Variants in DNAH3 observed in about 807,000 individuals in gnomAD.
DNAH3 encodes the protein axonemal beta dynein heavy chain 3.
In DNAH3, 332 loss-of-function variants were observed where a neutral mutation model predicts 432.5. The observed-to-expected ratio is 0.77, with a 90% CI of 0.70 to 0.84. The LOEUF (loss-of-function observed/expected upper bound fraction) is 0.84. DNAH3 is among the 40% of genes least tolerant of loss of function. The probability of loss-of-function intolerance (pLI) is 0.00; values close to 1 mark genes in which losing one functional copy is unlikely to be tolerated. For missense variants in DNAH3, 4,861 were observed against 5,114.0 expected, an observed-to-expected ratio of 0.95 and a Z score of 1.51; for synonymous variants, 1,956 against 1,900.2, an observed-to-expected ratio of 1.03 and a Z score of -0.76.
chr16:21,032,062 A>G (rs2152724729), intron 36 of DNAH3, among the ~76,000 whole-genome samples: 1 of 151,772 alleles, frequency 6.6e-6, no homozygotes, highest in South Asian at 2.1e-4. Flanking sequence ...AGGACTAAAG[A>G]AATCTGACTG....
At chr16:21,027,199 T>C in intron 37 of DNAH3, 72 bp from the exon 38 acceptor site, 2 of 1,092,948 alleles carry the variant, frequency 1.8e-6, no homozygotes, top group Non-Finnish European at 2.8e-6. Context: ...GAGGTCTCAG[T>C]GCAGACAAAG....
intron 24 of DNAH3, 81 bp from the exon 25 acceptor site, chr16:21,062,764 G>T: frequency 9.1e-7 from 1 of 1,095,328 alleles, no homozygotes; most frequent in Non-Finnish European, 1.3e-6. Flanking sequence ...CTGACAGGTA[G>T]TCCGCACCTA....
At chr16:20,969,204 A>C (rs1440619772) in intron 52 of DNAH3, among the ~76,000 whole-genome samples, 2 of 146,428 alleles carry the variant, frequency 1.4e-5, no homozygotes, top group African/African-American at 5.1e-5. Context: ...GCCTGTATGT[A>C]TGCATGTCTG....
intron 58 of DNAH3, 58 bp downstream of exon 58, chr16:20,944,438 A>G (rs1417516371): frequency 1.3e-6 from 2 of 1,595,654 alleles, no homozygotes; most frequent in South Asian, 2.2e-5. Context: ...CTGTGTGCCC[A>G]CTGGATGAAG....
At chr16:21,063,687 C>T (rs1227512472) in intron 24 of DNAH3, among the ~76,000 whole-genome samples, 2 of 151,862 alleles carry the variant, frequency 1.3e-5, no homozygotes, top group African/African-American at 2.4e-5. Flanking sequence ...GGACTACAGG[C>T]GCATGCCACC....
exon 37 of DNAH3, chr16:21,031,238 T>C: frequency 1.9e-6 from 3 of 1,614,154 alleles, no homozygotes; most frequent in Non-Finnish European, 2.5e-6. Context: ...CGTGATAGCC[T>C]TGGGGTTGAT....
chr16:21,101,171 C>T (rs552125168), intron 16 of DNAH3, among the ~76,000 whole-genome samples: 63 of 152,270 alleles, frequency 4.1e-4, no homozygotes, highest in Non-Finnish European at 6.0e-4. Flanking sequence ...TCACATTAGT[C>T]CACAGTTATC....
intron 19 of DNAH3, among the ~76,000 whole-genome samples, chr16:21,085,476 C>G (rs578215296): frequency 6.2e-5 from 9 of 145,482 alleles, no homozygotes; most frequent in Non-Finnish European, 8.9e-5. Flanking sequence ...TGTAGTGAGC[C>G]GAGATCATGT....
intron 59 of DNAH3, among the ~76,000 whole-genome samples, chr16:20,937,764 A>T (rs1470312799): frequency 6.6e-6 from 1 of 151,832 alleles, no homozygotes; most frequent in Non-Finnish European, 1.5e-5. Flanking sequence ...AAACTCAAGT[A>T]ATCCTCCCAC....
rs371243051 is a variant in DNAH3 at position 21,145,980 on chromosome 16, A to G, written c.222+4T>C. On this transcript the variant is annotated splice_donor_region_variant and intron_variant, in intron 2 of 61. Transcript: ENST00000261383. ...CAGAAGAGCTGGCAGCCAGGTGTGC[A>G]TACCTGATAGAGTCCAGACGGTTCC... 29 of 1,598,220 alleles carry G rather than the reference A, an allele frequency of 1.8e-5. No individual in the cohort carries two copies. In the African/African-American group the frequency reaches 2.8e-4, roughly 15 times the overall value.
intron 5 of DNAH3, among the ~76,000 whole-genome samples, chr16:21,139,320 C>CTTGTTTTTTT (rs2092687256): frequency 3.4e-5 from 1 of 29,614 alleles, no homozygotes; most frequent in Non-Finnish European, 5.3e-5. Flanking sequence ...TTTCCTCATG[C>CTTGTTTTTTT]TTTTTTTTTT....
exon 43 of DNAH3, chr16:21,000,322 G>A: frequency 1.2e-6 from 2 of 1,614,198 alleles, no homozygotes; most frequent in Non-Finnish European, 1.7e-6. Flanking sequence ...CTGATTGGCT[G>A]AGGTTCTGGC....
exon 46 of DNAH3, chr16:20,987,762 G>A (rs1390564349): frequency 2.5e-6 from 4 of 1,614,012 alleles, no homozygotes; most frequent in Non-Finnish European, 1.7e-6. Context: ...GGTTAAAGAC[G>A]TAATGTGACT....
At chr16:21,151,138 C>T (rs2092848662) in intron 1 of DNAH3, among the ~76,000 whole-genome samples, 1 of 152,182 alleles carries the variant, frequency 6.6e-6, no homozygotes. Context: ...TCCTACTCTT[C>T]TCATTAATTA....
chr16:20,935,424 G>T, exon 61 of DNAH3: 1 of 1,613,582 alleles, frequency 6.2e-7, no homozygotes, highest in Non-Finnish European at 8.5e-7. Context: ...AGTCAAAAAA[G>T]ACTGTGTGAA....
intron 16 of DNAH3, among the ~76,000 whole-genome samples, chr16:21,101,674 GC>G (rs1226907558): frequency 1.3e-5 from 2 of 152,190 alleles, no homozygotes; most frequent in African/African-American, 4.8e-5. Flanking sequence ...TCAGAGGGAA[GC>G]CATTAGGACC....
rs992126399 is a variant in DNAH3 at position 20,963,224 on chromosome 16, C to G, written c.10600+60G>C. On this transcript the variant is annotated intron_variant, in intron 53 of 61. Coordinates refer to ENST00000261383, the Ensembl canonical transcript of DNAH3. The stretch of plus-strand genomic sequence containing the variant: ...GATCCCTGCTGTAAGGGACGGGCTA[C>G]TGATATCCACCCACACATACTGGGC... The G allele has an allele frequency of 5.4e-5, 81 of 1,506,972 alleles. No individual in the cohort carries two copies. The South Asian group carries it at 8.1e-4, about 15-fold the overall frequency. The allele number at this position is 1,506,972 out of a possible 1,614,324, so 93.4% of individuals were successfully genotyped here. A position where few individuals can be genotyped will look rare whatever the true frequency, so the allele number is the denominator to read the frequency against.
chr16:21,078,991 G>A (rs2091077817), intron 20 of DNAH3, among the ~76,000 whole-genome samples: 3 of 152,276 alleles, frequency 2.0e-5, no homozygotes, highest in South Asian at 2.1e-4. Context: ...GAACCAAGGC[G>A]CACAGAAGGA....
At chr16:21,130,091 G>GAAAAAAAAAAAAAAAAAAAAA (rs58706051) in intron 7 of DNAH3, 1 of 79,154 alleles carries the variant, frequency 1.3e-5, no homozygotes, top group Non-Finnish European at 2.6e-5. Flanking sequence ...CTAAATAAAT[G>GAAAAAAAAAAAAAAAAAAAAA]AAAAAAAAAA....
Sources: gnomAD v4.1 joint callset for allele counts (sites outside exome capture counted in the v4.1 genomes callset) on GRCh38, gnomAD v4.1.1 for gene constraint, MANE v1.5 for transcripts, NCBI Gene and HGNC (gene_info 2026-07-23, HGNC 2026-07-21) for gene names.